The following CHD2 variants were observed in gnomAD, a reference collection of about 807,000 sequenced individuals.
CHD2 encodes the protein chromodomain helicase DNA binding protein 2, also known as ATP-dependent chromatin remodeler CHD2.
A neutral mutation model predicts 243.9 loss-of-function variants in CHD2; 28 were observed. That is an observed-to-expected ratio of 0.11 (90% confidence interval 0.09 to 0.16). The LOEUF (loss-of-function observed/expected upper bound fraction) is 0.16. Ranked by LOEUF, CHD2 falls within the 10% of genes least tolerant of loss-of-function variation. CHD2 has a pLI of 1.00. For missense variants in CHD2, 1,386 were observed against 2,209.8 expected (o/e 0.63, Z 7.47); for synonymous variants, 775 against 779.0 (o/e 0.99, Z 0.09).
chr15:92,924,681 C>CTACTGTAT, intron 3 of CHD2, 129 bp downstream of exon 3: 1 of 715,160 alleles, frequency 1.4e-6, no homozygotes, highest in Non-Finnish European at 2.4e-6. Flanking sequence ...TAGTAATATA[C>CTACTGTAT]AGTAGTATAT....
At chr15:92,995,892 A>G (rs1312979460) in intron 28 of CHD2, among the ~76,000 whole-genome samples, 1 of 152,174 alleles carries the variant, frequency 6.6e-6, no homozygotes, top group Non-Finnish European at 1.5e-5. Context: ...AACAGAATAT[A>G]TTGTTAAACG....
chr15:93,012,497 A>T, intron 36 of CHD2, 53 bp downstream of exon 36: 2 of 1,309,468 alleles, frequency 1.5e-6, no homozygotes, highest in South Asian at 2.7e-5. Context: ...ATTCCACAGA[A>T]AAATCTCTTA....
chr15:93,001,501 C>T (rs960784261), intron 32 of CHD2, among the ~76,000 whole-genome samples: 9 of 152,118 alleles, frequency 5.9e-5, no homozygotes, highest in African/African-American at 2.2e-4. Context: ...GTCATACATA[C>T]AGATATTTAT....
chr15:92,962,547 T>C (rs929282170), intron 16 of CHD2, among the ~76,000 whole-genome samples: 3 of 152,200 alleles, frequency 2.0e-5, no homozygotes, highest in African/African-American at 7.2e-5. Flanking sequence ...TTATGACTTA[T>C]TAAATAGTCT....
In CHD2 at chr15:93,014,758, C is replaced by T; in HGVS notation, c.4755C>T (p.Gly1585=). ...GKKPFRPEAS[G]SSRDSLISQS... Reference sequence around the variant, plus strand: ...AACCATTTCGTCCAGAGGCCTCAGGCTCCAGCCGGGACTCTCTGATATCTC... The same window carrying T: ...AACCATTTCGTCCAGAGGCCTCAGGTTCCAGCCGGGACTCTCTGATATCTC... The change falls in exon 37 of 39, where the codon GGC becomes GGT. Residue 1585 remains glycine (G), a synonymous_variant. Coordinates refer to ENST00000394196, the MANE Select transcript of CHD2 (RefSeq NM_001271.4). 1 of 1,614,168 alleles carries T rather than the reference C, an allele frequency of 6.2e-7. No homozygotes were observed. The highest frequency in any genetic ancestry group is 8.5e-7 in the Non-Finnish European group (1 of 1,180,018).
intron 3 of CHD2, among the ~76,000 whole-genome samples, chr15:92,926,346 A>G (rs921143424): frequency 6.6e-6 from 1 of 152,128 alleles, no homozygotes; most frequent in South Asian, 2.1e-4. Context: ...AAATATTCTC[A>G]TGACGTTAGC....
At chr15:92,965,986 G>A (rs887590481) in intron 16 of CHD2, among the ~76,000 whole-genome samples, 6 of 151,770 alleles carry the variant, frequency 4.0e-5, no homozygotes, top group South Asian at 2.1e-4. Flanking sequence ...ACTGATTTCC[G>A]GTCACTTCAC....
intron 31 of CHD2, among the ~76,000 whole-genome samples, chr15:92,999,023 G>T (rs2054219067): frequency 6.9e-6 from 1 of 143,938 alleles, no homozygotes; most frequent in African/African-American, 2.7e-5. Flanking sequence ...GGCGGAGCTT[G>T]CAGTGAGCCG....
At chr15:92,982,812 A>G (rs1039534208) in intron 24 of CHD2, among the ~76,000 whole-genome samples, 1 of 152,178 alleles carries the variant, frequency 6.6e-6, no homozygotes, top group South Asian at 2.1e-4. Context: ...CCCTAGATTA[A>G]TGGGTTAGGA....
chr15:92,925,910 ATGTTGT>A (rs537198903), intron 3 of CHD2, among the ~76,000 whole-genome samples: 7 of 151,998 alleles, frequency 4.6e-5, no homozygotes, highest in African/African-American at 7.2e-5. Flanking sequence ...CATCATTTTT[ATGTTGT>A]TGTTGTTGTT....
In CHD2 at chr15:92,997,503, T is replaced by C. The variant is rs1286962331; in HGVS notation, c.3885+100T>C. On this transcript the variant is annotated intron_variant, in intron 30 of 38. Transcript: ENST00000394196. The surrounding 1 kb of genome is among the most constrained non-coding windows in gnomAD (Gnocchi z 4.1). ...AACTATTTTCGAGGGGGCATCAAAT[T>C]AGAAATTAGTATAGTCATTCTTGGA... The C allele has an allele frequency of 1.9e-6, 2 of 1,026,314 alleles. No individual in the cohort carries two copies. Among genetic ancestry groups the C allele is most frequent in the African/African-American group, 3.3e-5 (2 of 60,130 alleles). The allele number at this position is 1,026,314 out of a possible 1,614,324, so 63.6% of individuals were successfully genotyped here. A position where few individuals can be genotyped will look rare whatever the true frequency, so the allele number is the denominator to read the frequency against.
At chr15:92,990,455 A>G (rs1442423973) in intron 26 of CHD2, among the ~76,000 whole-genome samples, 4 of 152,126 alleles carry the variant, frequency 2.6e-5, no homozygotes, top group South Asian at 2.1e-4. Context: ...CAGCATTCCT[A>G]TTGCTTTTAT....
intron 15 of CHD2, 107 bp downstream of exon 15, chr15:92,955,619 TTAAAAA>T: frequency 9.0e-6 from 6 of 665,868 alleles, no homozygotes; most frequent in Non-Finnish European, 1.4e-5. Flanking sequence ...TACTTGAAAG[TTAAAAA>T]TAAAAAACAA....
chr15:92,999,627 G>GA (rs2054228930), intron 31 of CHD2, among the ~76,000 whole-genome samples: 1 of 151,786 alleles, frequency 6.6e-6, no homozygotes, highest in Non-Finnish European at 1.5e-5. Context: ...CAAATTTGAG[G>GA]AAAAAAACCC....
At chr15:93,005,864 G>A (rs1027182020) in intron 34 of CHD2, among the ~76,000 whole-genome samples, 13 of 152,034 alleles carry the variant, frequency 8.6e-5, no homozygotes, top group Admixed American at 2.6e-4. Flanking sequence ...TTTCTTTTCC[G>A]AGTGTTTATA....
chr15:93,011,460 G>C (rs1475218853), intron 35 of CHD2, among the ~76,000 whole-genome samples: 1 of 152,194 alleles, frequency 6.6e-6, no homozygotes, highest in Non-Finnish European at 1.5e-5. Flanking sequence ...GGACTGGGTG[G>C]TGTTCAGGAT....
At chr15:92,935,512 G>C (rs980370722) in intron 5 of CHD2, among the ~76,000 whole-genome samples, 1 of 152,148 alleles carries the variant, frequency 6.6e-6, no homozygotes, top group Non-Finnish European at 1.5e-5. Flanking sequence ...TCAATTCCTG[G>C]GGGAGATATG....
chr15:92,967,466 A>G lies in CHD2; in HGVS notation c.2142A>G (p.Glu714=). The part of the protein sequence containing the change: ...DVEKSLPAKV[E]QILRVEMSAL... Reference sequence around the variant, plus strand: ...AGAAATCCCTTCCTGCTAAAGTGGAACAGATTCTCAGGGTGGAGATGTCAG... The same window carrying G: ...AGAAATCCCTTCCTGCTAAAGTGGAGCAGATTCTCAGGGTGGAGATGTCAG... The change falls in exon 17 of 39, where the codon GAA becomes GAG. Residue 714 remains glutamate, a synonymous_variant. Coordinates refer to ENST00000394196, the MANE Select transcript of CHD2 (RefSeq NM_001271.4). 6.2e-7 allele frequency: 1 copy of G among 1,614,062 alleles called. No individual in the cohort carries two copies. The highest frequency in any genetic ancestry group is 8.5e-7 in the Non-Finnish European group (1 of 1,179,974).
At chr15:92,916,989 A>T (rs976021774) in intron 2 of CHD2, among the ~76,000 whole-genome samples, 3 of 152,226 alleles carry the variant, frequency 2.0e-5, no homozygotes, top group Non-Finnish European at 4.4e-5. Flanking sequence ...AGTTATTTTT[A>T]AAAATGAGTT....
Sources: gnomAD v4.1 joint callset for allele counts (sites outside exome capture counted in the v4.1 genomes callset) on GRCh38, gnomAD v4.1.1 for gene constraint, Gnocchi (gnomAD v3.1) non-coding constraint, MANE v1.5 for transcripts, NCBI Gene and HGNC (gene_info 2026-07-23, HGNC 2026-07-21) for gene names.